RBFOX1: variants seen among roughly 807,000 people sequenced by gnomAD.
RBFOX1 encodes RNA binding fox-1 homolog 1, also known as RNA binding protein fox-1 homolog 1.
A neutral mutation model predicts 57.7 loss-of-function variants in RBFOX1; 8 were observed. The observed-to-expected ratio is 0.14, with a 90% CI of 0.08 to 0.25. RBFOX1 has a LOEUF of 0.25. Ranked by LOEUF, RBFOX1 falls within the 10% of genes least tolerant of loss-of-function variation. The probability of loss-of-function intolerance (pLI) is 1.00; values close to 1 mark genes in which losing one functional copy is unlikely to be tolerated. For missense variants in RBFOX1, 611 were observed against 548.5 expected (o/e 1.11, Z -1.14); for synonymous variants, 326 against 222.4 (o/e 1.47, Z -4.15).
intron 1 of RBFOX1, among the ~76,000 whole-genome samples, chr16:5,373,970 T>G (rs1299516108): frequency 6.6e-6 from 1 of 152,212 alleles, no homozygotes; most frequent in Non-Finnish European, 1.5e-5. Context: ...CAGGCCAGAG[T>G]GCAATGGTGC....
intron 3 of RBFOX1, among the ~76,000 whole-genome samples, chr16:5,816,392 C>T (rs1421540063): frequency 1.3e-5 from 2 of 152,274 alleles, no homozygotes; most frequent in South Asian, 2.1e-4. Context: ...GTGACAAAAC[C>T]GTCTTCTCTC....
intron 3 of RBFOX1, among the ~76,000 whole-genome samples, chr16:5,846,131 A>G (rs1328698342): frequency 6.6e-6 from 1 of 151,902 alleles, no homozygotes; most frequent in African/African-American, 2.4e-5. Context: ...GCAGTGAGCC[A>G]AGATCGTGCC....
At chr16:5,889,624 A>G (rs978231194) in intron 4 of RBFOX1, among the ~76,000 whole-genome samples, 8 of 152,234 alleles carry the variant, frequency 5.3e-5, no homozygotes, top group African/African-American at 1.9e-4. Flanking sequence ...CTGAGGATGC[A>G]GGACAAGCAG....
intron 4 of RBFOX1, among the ~76,000 whole-genome samples, chr16:5,905,789 C>G (rs1481782406): frequency 6.6e-6 from 1 of 152,186 alleles, no homozygotes; most frequent in Non-Finnish European, 1.5e-5. Context: ...AGGCTTCCAT[C>G]CTCCTGAAGG....
intron 4 of RBFOX1, among the ~76,000 whole-genome samples, chr16:7,401,469 C>T (rs11860264): frequency 1.3e-5 from 2 of 151,982 alleles, no homozygotes; most frequent in African/African-American, 4.8e-5. Flanking sequence ...AGCTAGATGG[C>T]TAAATATGTT....
At chr16:5,375,664 A>C (rs1161597881) in intron 1 of RBFOX1, among the ~76,000 whole-genome samples, 2 of 152,198 alleles carry the variant, frequency 1.3e-5, no homozygotes, top group Non-Finnish European at 2.9e-5. Flanking sequence ...AGCACCAACT[A>C]TGTGCCAGGC....
intron 2 of RBFOX1, among the ~76,000 whole-genome samples, chr16:6,374,876 C>A (rs192943469): frequency 4.6e-5 from 7 of 152,308 alleles, no homozygotes; most frequent in South Asian, 4.1e-4. Flanking sequence ...ATAAAGATTT[C>A]TTAGCCTGTC....
rs533715798 is a variant in RBFOX1 at position 7,506,912 on chromosome 16, A to G, written c.28-11235A>G. Among the ~76,000 whole-genome samples the G allele has an allele frequency of 1.6e-4, 25 of 152,322 alleles. No homozygotes were observed. The South Asian group carries it at 4.8e-3, about 29-fold the overall frequency. Reference sequence around the variant, plus strand: ...AGAGGAAGAACTTCACTGGACTGGAAGGAGGATCAGTTTTATCCCCACAGT... The same window carrying G: ...AGAGGAAGAACTTCACTGGACTGGAGGGAGGATCAGTTTTATCCCCACAGT... On this transcript the variant is annotated intron_variant, in intron 4 of 15. Coordinates refer to ENST00000550418, the MANE Select transcript of RBFOX1 (RefSeq NM_018723.4).
intron 13 of RBFOX1, among the ~76,000 whole-genome samples, chr16:7,673,167 C>G (rs530027804): frequency 5.3e-5 from 8 of 152,216 alleles, no homozygotes; most frequent in Non-Finnish European, 1.0e-4. Context: ...CAGGTTTCCC[C>G]TCCCCTATTT....
At chr16:7,593,596 G>A (rs911522257) in intron 7 of RBFOX1, among the ~76,000 whole-genome samples, 6 of 152,148 alleles carry the variant, frequency 3.9e-5, no homozygotes, top group Middle Eastern at 3.4e-3. Flanking sequence ...GTAAAGAAAC[G>A]TTATTTTTCT....
chr16:6,315,845 A>T (rs1000155974), intron 1 of RBFOX1, among the ~76,000 whole-genome samples: 1 of 152,126 alleles, frequency 6.6e-6, no homozygotes, highest in African/African-American at 2.4e-5. Flanking sequence ...TATCAACAAG[A>T]GGGGACTCAC....
At chr16:5,331,479 T>C (rs1254021655) in intron 1 of RBFOX1, among the ~76,000 whole-genome samples, 2 of 152,252 alleles carry the variant, frequency 1.3e-5, no homozygotes, top group Non-Finnish European at 2.9e-5. Context: ...GTTTGTTTTA[T>C]GTCTGTCTTA....
intron 4 of RBFOX1, among the ~76,000 whole-genome samples, chr16:7,148,405 A>G (rs2075455247): frequency 6.6e-6 from 1 of 152,158 alleles, no homozygotes; most frequent in Non-Finnish European, 1.5e-5. Flanking sequence ...CCCTCTTTTG[A>G]ATTTTCACCT....
chr16:7,417,488 T>C (rs6500963), intron 4 of RBFOX1, among the ~76,000 whole-genome samples: 103,399 of 151,256 alleles, frequency 0.68, 35,727 homozygotes, highest in East Asian at 0.88. Flanking sequence ...CTTGATCCAA[T>C]GCATCCGCCT....
intron 3 of RBFOX1, among the ~76,000 whole-genome samples, chr16:5,667,487 C>A (rs532692597): frequency 1.3e-5 from 2 of 152,260 alleles, no homozygotes; most frequent in South Asian, 4.1e-4. Context: ...TTTTGGGTTA[C>A]TTGTAGTTTT....
chr16:7,067,409 A>T (rs2056327459), intron 4 of RBFOX1, among the ~76,000 whole-genome samples: 1 of 152,072 alleles, frequency 6.6e-6, no homozygotes, highest in African/African-American at 2.4e-5. Flanking sequence ...AAATGTCGCC[A>T]AGGCTGTGTT....
chr16:7,250,325 A>T (rs982177327), intron 4 of RBFOX1, among the ~76,000 whole-genome samples: 2 of 152,212 alleles, frequency 1.3e-5, no homozygotes, highest in African/African-American at 4.8e-5. Flanking sequence ...TGGGATGCTT[A>T]TATTAATTGT....
intron 1 of RBFOX1, among the ~76,000 whole-genome samples, chr16:6,122,459 C>T (rs955472884): frequency 6.6e-6 from 1 of 151,656 alleles, no homozygotes; most frequent in African/African-American, 2.4e-5. Context: ...TTATGAATTC[C>T]CTAATCCTTT....
intron 1 of RBFOX1, among the ~76,000 whole-genome samples, chr16:6,031,957 G>A (rs965319227): frequency 1.5e-4 from 23 of 152,268 alleles, no homozygotes; most frequent in African/African-American, 5.1e-4. Flanking sequence ...TTTGTTCACT[G>A]TAGTCCACCC....
Sources: gnomAD v4.1 joint callset for allele counts (sites outside exome capture counted in the v4.1 genomes callset) on GRCh38, gnomAD v4.1.1 for gene constraint, MANE v1.5 for transcripts, NCBI Gene and HGNC (gene_info 2026-07-23, HGNC 2026-07-21) for gene names.